Variants in CLDN14 observed in about 807,000 individuals in gnomAD.
CLDN14 encodes claudin 14, also known as claudin-14.
A neutral mutation model predicts 2.1 loss-of-function variants in CLDN14; 2 were observed. That is an observed-to-expected ratio of 0.96 (90% CI 0.39 to 3.01). The LOEUF is 3.01. Among genes scored for constraint, CLDN14 ranks in the 30% most tolerant of loss-of-function variants. The pLI is 0.09. For synonymous variants in CLDN14, 136 were observed against 154.4 expected, an observed-to-expected ratio of 0.88 and a Z score of 0.88; for missense variants, 298 against 328.0, an observed-to-expected ratio of 0.91 and a Z score of 0.71.
At position 36,499,600 on chromosome 21, in the gene CLDN14, C is replaced by T. The variant is rs1397224369; in HGVS notation, c.-82+10763G>A. 6.6e-6 allele frequency among the ~76,000 whole-genome samples: 1 copy of T among 152,102 alleles called. No individual in the cohort carries two copies. The highest frequency in any genetic ancestry group is 1.5e-5 in the Non-Finnish European group (1 of 68,024). On this transcript the variant is annotated intron_variant, in intron 2 of 2. Transcript: ENST00000342108. This position sits in a 1 kb window ranked among gnomAD's most constrained non-coding sequence, Gnocchi z 4.7. ...ACCCAGACCTACCGAATCAGAATTT[C>T]AGGAGGGGAGGTTAGGAATCTGTGG...
At chr21:36,518,804 A>G (rs1319429088) in intron 1 of CLDN14, among the ~76,000 whole-genome samples, 1 of 152,222 alleles carries the variant, frequency 6.6e-6, no homozygotes, top group East Asian at 1.9e-4. Flanking sequence ...TATCAGGCAC[A>G]CAATTAATGG....
intron 1 of CLDN14, among the ~76,000 whole-genome samples, chr21:36,536,245 G>C (rs1363218443): frequency 2.0e-5 from 3 of 152,204 alleles, no homozygotes; most frequent in Non-Finnish European, 4.4e-5. Flanking sequence ...TGTACCTGAG[G>C]ACCTGCCCAG....
intron 1 of CLDN14, among the ~76,000 whole-genome samples, chr21:36,478,244 C>T (rs886505754): frequency 5.3e-5 from 8 of 152,134 alleles, no homozygotes; most frequent in Non-Finnish European, 1.0e-4. Flanking sequence ...AGCATTGAAC[C>T]CTTTATACAG....
Position 36,461,330 on chromosome 21 carries a change from G to A in CLDN14, c.366C>T (p.Gly122=), listed in dbSNP as rs975519070. The change falls in exon 2 of 2, where the codon GGC becomes GGT. Residue 122 remains glycine (G), a synonymous_variant. Coordinates refer to ENST00000399135, the MANE Select transcript of CLDN14 (RefSeq NM_001146079.2). The part of the protein sequence containing the change: ...PAKTTFAILG[G]TLFILAGLLC... ...GGAGGCCGGCCAGGATGAAGAGGGT[G>A]CCGCCGAGGATGGCAAAGGTGGTCT... is the stretch of plus-strand genomic sequence containing the variant. The A allele has an allele frequency of 6.2e-7, 1 of 1,613,554 alleles. No homozygotes were observed. The highest frequency in any genetic ancestry group is 8.5e-7 in the Non-Finnish European group (1 of 1,179,962).
At chr21:36,522,620 G>T (rs948628999) in intron 1 of CLDN14, among the ~76,000 whole-genome samples, 2 of 152,228 alleles carry the variant, frequency 1.3e-5, no homozygotes, top group African/African-American at 4.8e-5. Flanking sequence ...ATGCGCGGGG[G>T]AGGTAACCGG....
intron 1 of CLDN14, among the ~76,000 whole-genome samples, chr21:36,471,305 G>A (rs2086707936): frequency 6.6e-6 from 1 of 152,226 alleles, no homozygotes. Flanking sequence ...AGGACATGGA[G>A]AAAGAAGAAT....
intron 1 of CLDN14, among the ~76,000 whole-genome samples, chr21:36,559,663 AAATCTAAACAATTCTGC>A (rs1208610844): frequency 3.3e-5 from 5 of 152,254 alleles, no homozygotes; most frequent in Admixed American, 3.3e-4. Flanking sequence ...GATAAACATA[AAATCTAAACAATTCTGC>A]AATTGTGCAT....
Position 36,499,460 on chromosome 21 carries a change from T to A in CLDN14, c.-82+10903A>T, listed in dbSNP as rs548962240. On this transcript the variant is annotated intron_variant, in intron 2 of 2. Transcript: ENST00000342108. This position sits in a 1 kb window ranked among gnomAD's most constrained non-coding sequence, Gnocchi z 4.7. The stretch of plus-strand genomic sequence containing the variant: ...AGAGAGTTATGAATGGAGGATTGAG[T>A]GCATTTAGGCTATTAGTAGAAAGTG... Among the ~76,000 whole-genome samples, 3 of 152,264 alleles carry A rather than the reference T, an allele frequency of 2.0e-5. No individual in the cohort carries two copies. In the South Asian group the frequency reaches 6.2e-4, roughly 32 times the overall value.
chr21:36,534,163 G>A (rs1464865350), intron 1 of CLDN14, among the ~76,000 whole-genome samples: 1 of 151,936 alleles, frequency 6.6e-6, no homozygotes, highest in East Asian at 1.9e-4. Flanking sequence ...GGGCAATGGC[G>A]CGATCTCAGC....
intron 1 of CLDN14, among the ~76,000 whole-genome samples, chr21:36,470,758 G>A (rs917473237): frequency 2.6e-5 from 4 of 152,176 alleles, no homozygotes; most frequent in African/African-American, 9.7e-5. Flanking sequence ...AGGATCACTT[G>A]AGCTGAGGAG....
rs1444095531 is a variant in CLDN14 at position 36,559,157 on chromosome 21, C to A, written c.-220+17254G>T. Among the ~76,000 whole-genome samples, 5 of 149,520 alleles carry A rather than the reference C, an allele frequency of 3.3e-5. No individual in the cohort carries two copies. The Admixed American group carries it at 3.4e-4, about 10-fold the overall frequency. On this transcript the variant is annotated intron_variant, in intron 1 of 2. Transcript: ENST00000342108. Reference sequence around the variant, plus strand: ...TATGTTTAGGTCATTTTTTCCTATTCCTAGTTTGTTGAGAGTTTTATTTTA... The same window carrying A: ...TATGTTTAGGTCATTTTTTCCTATTACTAGTTTGTTGAGAGTTTTATTTTA...
chr21:36,501,652 G>A (rs913411956), intron 2 of CLDN14, among the ~76,000 whole-genome samples: 2 of 152,032 alleles, frequency 1.3e-5, no homozygotes, highest in African/African-American at 4.8e-5. Flanking sequence ...TGACAGGTAC[G>A]CCACCCCCTG....
chr21:36,513,084 C>T (rs1476685679), intron 1 of CLDN14, among the ~76,000 whole-genome samples: 2 of 152,184 alleles, frequency 1.3e-5, no homozygotes, highest in Non-Finnish European at 2.9e-5. Flanking sequence ...AATCTACCTG[C>T]CTGTGTCTCA....
chr21:36,541,277 T>G (rs2087486393), intron 1 of CLDN14, among the ~76,000 whole-genome samples: 1 of 152,196 alleles, frequency 6.6e-6, no homozygotes, highest in Non-Finnish European at 1.5e-5. Context: ...CTCTGTGCAT[T>G]TACCTTGACA....
At position 36,468,270 on chromosome 21, in the gene CLDN14, G is replaced by A. The variant is rs147919717; in HGVS notation, c.-81-6494C>T. On this transcript the variant is annotated intron_variant, in intron 1 of 1. Coordinates refer to ENST00000399135, the MANE Select transcript of CLDN14 (RefSeq NM_001146079.2). ...CCAACCAAATGGCCTCTTCATTACT[G>A]TTTAGCTATTTCATAAATGCTTTAG... 3.9e-5 allele frequency among the ~76,000 whole-genome samples: 6 copies of A among 152,270 alleles called. No homozygotes were observed. In the East Asian group the frequency reaches 1.2e-3, roughly 29 times the overall value.
intron 1 of CLDN14, among the ~76,000 whole-genome samples, chr21:36,535,007 G>T (rs535568877): frequency 2.2e-4 from 33 of 152,348 alleles, no homozygotes; most frequent in Middle Eastern, 3.4e-3. Context: ...GGATGAAAAG[G>T]AGAGGTGGAA....
In CLDN14 at chr21:36,567,817, T is replaced by C. The variant is rs899526059; in HGVS notation, c.-220+8594A>G. Among the ~76,000 whole-genome samples the C allele has an allele frequency of 2.0e-5, 3 of 152,102 alleles. No individual in the cohort carries two copies. The East Asian group carries it at 5.8e-4, about 29-fold the overall frequency. The stretch of plus-strand genomic sequence containing the variant: ...GGGGGAAGGAGGGAAATCAATGCAT[T>C]TCCTAGGATAAGCCAAAGTCATTCA... On this transcript the variant is annotated intron_variant, in intron 1 of 2. Coordinates refer to the CLDN14 transcript ENST00000342108.
chr21:36,521,510 T>A (rs1412937308), intron 1 of CLDN14, among the ~76,000 whole-genome samples: 1 of 152,240 alleles, frequency 6.6e-6, no homozygotes, highest in East Asian at 1.9e-4. Flanking sequence ...TACTTCTGAA[T>A]GTTCCCATGG....
intron 1 of CLDN14, among the ~76,000 whole-genome samples, chr21:36,540,100 T>A (rs981622375): frequency 1.3e-5 from 2 of 151,410 alleles, no homozygotes; most frequent in South Asian, 4.2e-4. Flanking sequence ...GTGGTCCGTG[T>A]GTGAAGTGAG....
Sources: allele counts gnomAD v4.1 joint callset (sites outside exome capture counted in the v4.1 genomes callset), GRCh38; gene constraint gnomAD v4.1.1; non-coding constraint Gnocchi (gnomAD v3.1); transcripts MANE v1.5; gene names NCBI Gene and HGNC (gene_info 2026-07-23, HGNC 2026-07-21).